Variants in ROR1 observed in about 807,000 individuals in gnomAD.
ROR1 encodes the protein ROR family WNT receptor 1.
A neutral mutation model predicts 78.8 loss-of-function variants in ROR1; 19 were observed. The ratio of observed to expected loss-of-function variants is 0.24; its 90% CI spans 0.17 to 0.35. The LOEUF (loss-of-function observed/expected upper bound fraction) is 0.35, where lower values mean the gene tolerates loss of function less well. Among genes scored for constraint, ROR1 ranks in the 10% least tolerant of loss-of-function variants. The probability of loss-of-function intolerance (pLI) is 1.00; values close to 1 mark genes in which losing one functional copy is unlikely to be tolerated. For missense variants in ROR1, 917 were observed against 1,177.8 expected (o/e 0.78, Z 3.24); for synonymous variants, 386 against 433.6 (o/e 0.89, Z 1.36).
rs759277847 is a variant in ROR1 at position 64,142,568 on chromosome 1, C to T, written c.1092C>T (p.Asn364=). The change falls in exon 7 of 9, where the codon AAC becomes AAT. Residue 364 remains asparagine (N), a synonymous_variant. Transcript: ENST00000371079. Reference sequence around the variant, plus strand: ...ATGGAGGCCATTCCTACTGCCGCAACCCAGGGAATCAAAAGGAAGCTCCCT... The same window carrying T: ...ATGGAGGCCATTCCTACTGCCGCAATCCAGGGAATCAAAAGGAAGCTCCCT... ...ELNGGHSYCR[N]PGNQKEAPWC... The T allele has an allele frequency of 2.5e-5, 40 of 1,614,018 alleles. No homozygotes were observed. The highest frequency in any genetic ancestry group is 2.8e-5 in the Non-Finnish European group (33 of 1,180,036).
intron 2 of ROR1, among the ~76,000 whole-genome samples, chr1:64,039,287 GT>G (rs1446949676): frequency 6.6e-6 from 1 of 152,216 alleles, no homozygotes; most frequent in Non-Finnish European, 1.5e-5. Context: ...GTGGAACTGA[GT>G]TGGAATGCTG....
At chr1:63,981,241 A>G (rs1304331407) in intron 1 of ROR1, among the ~76,000 whole-genome samples, 1 of 152,102 alleles carries the variant, frequency 6.6e-6, no homozygotes. Flanking sequence ...CCAAAGTCAA[A>G]CAGGTTAAGC....
At chr1:63,902,533 C>A (rs1388120460) in intron 1 of ROR1, among the ~76,000 whole-genome samples, 1 of 151,960 alleles carries the variant, frequency 6.6e-6, no homozygotes, top group Non-Finnish European at 1.5e-5. Flanking sequence ...CCAGGATTCC[C>A]AGGCTGGTCT....
At chr1:64,138,870 T>C (rs986492668) in intron 5 of ROR1, among the ~76,000 whole-genome samples, 26 of 151,896 alleles carry the variant, frequency 1.7e-4, no homozygotes, top group African/African-American at 5.8e-4. Context: ...CAAAAGCAAG[T>C]AGACATTTTG....
intron 1 of ROR1, among the ~76,000 whole-genome samples, chr1:63,779,121 A>C (rs1436959645): frequency 6.6e-6 from 1 of 152,182 alleles, no homozygotes; most frequent in Non-Finnish European, 1.5e-5. Context: ...GATGGCCTGG[A>C]TCTCTGGTTC....
chr1:63,844,045 A>G lies in ROR1; in HGVS notation c.91+69537A>G, dbSNP rs539798717. On this transcript the variant is annotated intron_variant, in intron 1 of 8. Transcript: ENST00000371079. ...CTAATCCCTCTAGCCTTAGGGGGGC[A>G]GCATATCAGAGTGATTATCTCCCTT... Among the ~76,000 whole-genome samples the G allele has an allele frequency of 1.1e-4, 17 of 152,304 alleles. 1 individual carries two copies. In the East Asian group the frequency reaches 2.5e-3, roughly 23 times the overall value.
chr1:64,063,894 G>A (rs1646936112), intron 4 of ROR1, among the ~76,000 whole-genome samples: 4 of 152,060 alleles, frequency 2.6e-5, no homozygotes, highest in African/African-American at 4.8e-5. Flanking sequence ...CAACCAGATA[G>A]GACCCTCTCC....
intron 1 of ROR1, among the ~76,000 whole-genome samples, chr1:63,987,689 A>G (rs1165148793): frequency 6.6e-6 from 1 of 152,182 alleles, no homozygotes; most frequent in Non-Finnish European, 1.5e-5. Flanking sequence ...TGCATTATCA[A>G]TGTTCCTCAG....
intron 1 of ROR1, among the ~76,000 whole-genome samples, chr1:63,783,154 A>G (rs2100223807): frequency 6.6e-6 from 1 of 152,280 alleles, no homozygotes; most frequent in South Asian, 2.1e-4. Flanking sequence ...GGGAGAGTGA[A>G]GAAAAGAAAG....
chr1:63,930,676 G>A (rs1351502104), intron 1 of ROR1, among the ~76,000 whole-genome samples: 2 of 152,046 alleles, frequency 1.3e-5, no homozygotes, highest in Non-Finnish European at 2.9e-5. Context: ...CCTGACCATC[G>A]CTCATTTTAT....
intron 4 of ROR1, among the ~76,000 whole-genome samples, chr1:64,072,060 A>C (rs1417115621): frequency 6.6e-6 from 1 of 152,208 alleles, no homozygotes; most frequent in Non-Finnish European, 1.5e-5. Context: ...TAATATCTAA[A>C]CACTGAATGA....
chr1:63,952,888 A>C (rs1163127031), intron 1 of ROR1, among the ~76,000 whole-genome samples: 1 of 152,130 alleles, frequency 6.6e-6, no homozygotes, highest in Admixed American at 6.5e-5. Flanking sequence ...GGGAAAGGGC[A>C]GTGGTAAAGT....
At chr1:63,872,332 G>A (rs1461990073) in intron 1 of ROR1, among the ~76,000 whole-genome samples, 1 of 152,196 alleles carries the variant, frequency 6.6e-6, no homozygotes, top group Admixed American at 6.5e-5. Context: ...GCAAGGCATA[G>A]TAGAAAGAAT....
intron 2 of ROR1, among the ~76,000 whole-genome samples, chr1:64,041,407 C>G (rs1197025794): frequency 3.3e-5 from 5 of 152,114 alleles, no homozygotes. Flanking sequence ...TTTAAGAGTG[C>G]ATTTACATAC....
chr1:64,153,595 C>A (rs1395473647), intron 7 of ROR1, among the ~76,000 whole-genome samples: 5 of 152,172 alleles, frequency 3.3e-5, no homozygotes, highest in Non-Finnish European at 7.3e-5. Flanking sequence ...AATCCTGTCA[C>A]ATGGTACAGC....
At chr1:63,811,259 C>T (rs1191187437) in intron 1 of ROR1, among the ~76,000 whole-genome samples, 1 of 152,172 alleles carries the variant, frequency 6.6e-6, no homozygotes, top group Admixed American at 6.5e-5. Flanking sequence ...ACAGTTTGGA[C>T]CAGTGCCTGA....
chr1:64,137,866 A>G (rs574591284), intron 5 of ROR1, among the ~76,000 whole-genome samples: 2 of 152,264 alleles, frequency 1.3e-5, no homozygotes, highest in Non-Finnish European at 1.5e-5. Context: ...ATGTCGACTG[A>G]GAGGGGATGA....
At chr1:64,079,148 A>G (rs755160234) in intron 4 of ROR1, among the ~76,000 whole-genome samples, 2 of 152,192 alleles carry the variant, frequency 1.3e-5, no homozygotes, top group African/African-American at 4.8e-5. Flanking sequence ...AGGTCCAACA[A>G]GTGGTCATTC....
chr1:64,087,679 G>A (rs1048680395), intron 4 of ROR1, among the ~76,000 whole-genome samples: 5 of 152,168 alleles, frequency 3.3e-5, no homozygotes, highest in African/African-American at 1.2e-4. Context: ...AGTTTCCAAG[G>A]TCTGGGCAAA....
Sources: gnomAD v4.1 joint callset for allele counts (sites outside exome capture counted in the v4.1 genomes callset) on GRCh38, gnomAD v4.1.1 for gene constraint, MANE v1.5 for transcripts, NCBI Gene and HGNC (gene_info 2026-07-23, HGNC 2026-07-21) for gene names.